The following ADD3 variants were observed in gnomAD, a reference collection of about 807,000 sequenced individuals.
The protein encoded by ADD3 is gamma-adducin.
In ADD3, 25 loss-of-function variants were observed where a neutral mutation model predicts 80.2. The ratio of observed to expected loss-of-function variants is 0.31; its 90% CI spans 0.23 to 0.44. ADD3 has a LOEUF of 0.44. Among genes scored for constraint, ADD3 ranks in the 20% least tolerant of loss-of-function variants. The pLI is 1.00. For synonymous variants in ADD3, 284 were observed against 289.6 expected (o/e 0.98, Z 0.20); for missense variants, 829 against 847.5 (o/e 0.98, Z 0.27).
At chr10:110,020,561 G>T (rs190509219) in intron 1 of ADD3, among the ~76,000 whole-genome samples, 1 of 152,176 alleles carries the variant, frequency 6.6e-6, no homozygotes, top group African/African-American at 2.4e-5. Context: ...GAAGCAGAAC[G>T]TGGTGGGGAT....
At chr10:110,094,709 A>C (rs2133897527) in intron 1 of ADD3, among the ~76,000 whole-genome samples, 1 of 152,322 alleles carries the variant, frequency 6.6e-6, no homozygotes, top group East Asian at 1.9e-4. Context: ...AGAAAATTTC[A>C]CTAGTGATCT....
intron 1 of ADD3, among the ~76,000 whole-genome samples, chr10:110,077,368 T>G (rs1411732663): frequency 6.6e-6 from 1 of 152,180 alleles, no homozygotes; most frequent in African/African-American, 2.4e-5. Context: ...TGACACTGAC[T>G]GTTCAAATGA....
rs1452460545 is a variant in ADD3 at position 110,100,777 on chromosome 10, T to C, written c.124T>C (p.Ser42Pro). ...DPEYIRERNM[S>P]PDLRQDFNMM... ...AGAATACATTAGGGAGAGGAACATG[T>C]CTCCTGATCTACGACAAGACTTCAA... is the stretch of plus-strand genomic sequence containing the variant. Residue 42 changes from serine (S) to proline (P), a missense_variant, in exon 2 of 15, where the codon TCT becomes CCT. Physicochemically the swap from Ser to Pro is moderately conservative, Grantham distance 74. Coordinates refer to ENST00000356080, the MANE Select transcript of ADD3 (RefSeq NM_016824.5). 2.5e-6 allele frequency: 4 copies of C among 1,613,620 alleles called. No homozygotes were observed. The African/African-American group carries it at 5.3e-5, about 22-fold the overall frequency.
At chr10:110,123,276 G>A (rs892554575) in intron 9 of ADD3, among the ~76,000 whole-genome samples, 3 of 152,068 alleles carry the variant, frequency 2.0e-5, no homozygotes, top group African/African-American at 7.2e-5. Context: ...ATTTTTAATT[G>A]TATGAGGAAC....
At chr10:110,091,528 G>A (rs1253890548) in intron 1 of ADD3, among the ~76,000 whole-genome samples, 1 of 152,108 alleles carries the variant, frequency 6.6e-6, no homozygotes, top group African/African-American at 2.4e-5. Flanking sequence ...AACAAGCAAC[G>A]GGGAAAGGAT....
intron 2 of ADD3, 32 bp downstream of exon 2, chr10:110,100,880 C>A: frequency 6.5e-7 from 1 of 1,528,474 alleles, no homozygotes; most frequent in South Asian, 1.3e-5. Flanking sequence ...TAATTTTTCT[C>A]CCTCTTTGGA....
intron 1 of ADD3, among the ~76,000 whole-genome samples, chr10:110,015,625 C>T (rs1458051941): frequency 3.3e-5 from 5 of 152,030 alleles, no homozygotes; most frequent in African/African-American, 7.3e-5. Context: ...CCGTCCGCCT[C>T]GGCCTCCCAA....
In ADD3 at chr10:110,118,590, A is replaced by C. The variant is rs1225038776; in HGVS notation, c.571A>C (p.Lys191Gln). 2.5e-6 allele frequency: 4 copies of C among 1,613,778 alleles called. No homozygotes were observed. The highest frequency in any genetic ancestry group is 3.4e-6 in the Non-Finnish European group (4 of 1,179,668). The stretch of plus-strand genomic sequence containing the variant: ...ATGTCCTTCTGATTTTTTCCAGGTG[A>C]AAGTCAATATAATAGGAGAAGTGGT... ...FSEATASNLV[K>Q]VNIIGEVVDQ... The change falls in exon 6 of 15, where the codon AAA (lysine) becomes CAA (glutamine). Residue 191 changes from lysine (K) to glutamine (Q), a missense_variant. Transcript: ENST00000356080.
intron 1 of ADD3, among the ~76,000 whole-genome samples, chr10:110,046,528 A>G (rs1168454830): frequency 6.6e-6 from 1 of 152,118 alleles, no homozygotes; most frequent in African/African-American, 2.4e-5. Flanking sequence ...AAAGCTTTGA[A>G]GGATATAAAA....
At chr10:110,035,659 C>G (rs1429982160) in intron 1 of ADD3, among the ~76,000 whole-genome samples, 1 of 152,120 alleles carries the variant, frequency 6.6e-6, no homozygotes, top group African/African-American at 2.4e-5. Flanking sequence ...TTGGAAGCAC[C>G]TGGAGGGCTT....
In ADD3 at chr10:110,122,160, C is replaced by T. The variant is rs771681851; in HGVS notation, c.1011C>T (p.Asp337=). ...GAGTAGACAATCTCCATGTACTGGA[C>T]TTTCAGAAGTATAAAGCTTTCACTT... ...AGGVDNLHVL[D]FQKYKAFTYT... Residue 337 remains aspartate (D), a synonymous_variant, in exon 9 of 15, where the codon GAC becomes GAT. Transcript: ENST00000356080. 26 of 1,614,072 alleles carry T rather than the reference C, an allele frequency of 1.6e-5. No homozygotes were observed. In the East Asian group the frequency reaches 5.6e-4, roughly 35 times the overall value.
At chr10:110,120,807 G>T (rs915798005) in intron 8 of ADD3, among the ~76,000 whole-genome samples, 4 of 152,152 alleles carry the variant, frequency 2.6e-5, no homozygotes, top group African/African-American at 9.7e-5. Context: ...CAGAGATATA[G>T]ATAAATGGAA....
At chr10:110,131,740 A>G (rs1374587322) in intron 13 of ADD3, among the ~76,000 whole-genome samples, 4 of 152,264 alleles carry the variant, frequency 2.6e-5, no homozygotes, top group Non-Finnish European at 4.4e-5. Context: ...TTTGTAAAAT[A>G]TCCCTCTTTA....
chr10:110,093,722 T>A (rs1224979149), intron 1 of ADD3, among the ~76,000 whole-genome samples: 1 of 152,230 alleles, frequency 6.6e-6, no homozygotes, highest in Non-Finnish European at 1.5e-5. Context: ...CTCATTGAGC[T>A]TCTTCATCTG....
At chr10:110,057,318 C>T (rs1858322750) in intron 1 of ADD3, among the ~76,000 whole-genome samples, 1 of 152,124 alleles carries the variant, frequency 6.6e-6, no homozygotes, top group Non-Finnish European at 1.5e-5. Flanking sequence ...CTTAAAGATG[C>T]AGGAAAACAG....
intron 1 of ADD3, among the ~76,000 whole-genome samples, chr10:110,021,051 A>G (rs74154961): frequency 0.011 from 1,616 of 152,316 alleles, 32 homozygotes; most frequent in African/African-American, 0.038. Context: ...CATTTTTTAA[A>G]TGGTTGCATA....
rs771204001 is a variant in ADD3 at position 110,125,913 on chromosome 10, A to G, written c.1489A>G (p.Asn497Asp). 1 of 1,609,226 alleles carries G rather than the reference A, an allele frequency of 6.2e-7. No homozygotes were observed. Among genetic ancestry groups the G allele is most frequent in the South Asian group, 1.1e-5 (1 of 90,544 alleles). Residue 497 changes from asparagine to aspartate, a missense_variant, in exon 11 of 15, where the codon AAC (asparagine) becomes GAC (aspartate). Physicochemically the swap from Asn to Asp is conservative, Grantham distance 23 (BLOSUM62 1). Transcript: ENST00000356080. ...AAATCAGTTTGTTCCTTTAAACACA[A>G]ACCCGAATGAGGTACTAGAAAAGAG... ...DPNQFVPLNT[N>D]PNEVLEKRNK...
chr10:110,066,761 C>T (rs113616009), intron 1 of ADD3, among the ~76,000 whole-genome samples: 1 of 152,000 alleles, frequency 6.6e-6, no homozygotes, highest in Non-Finnish European at 1.5e-5. Context: ...CTCTGAAATT[C>T]TTTTGTAAAT....
At chr10:110,041,051 TCTCA>T (rs1274645498) in intron 1 of ADD3, among the ~76,000 whole-genome samples, 3 of 152,084 alleles carry the variant, frequency 2.0e-5, no homozygotes, top group Non-Finnish European at 2.9e-5. Flanking sequence ...ATGCTGTGTC[TCTCA>T]CTATCTCCCT....
Sources: gnomAD v4.1 joint callset for allele counts (sites outside exome capture counted in the v4.1 genomes callset) on GRCh38, gnomAD v4.1.1 for gene constraint, MANE v1.5 for transcripts, NCBI Gene and HGNC (gene_info 2026-07-23, HGNC 2026-07-21) for gene names.